The following RS1 variants were observed in gnomAD, a reference collection of about 807,000 sequenced individuals.
RS1 encodes the protein retinoschisin.
RS1 carries 2 observed loss-of-function variants against 20.8 expected under a neutral mutation model. The observed-to-expected ratio is 0.10, with a 90% CI of 0.04 to 0.30. The LOEUF (loss-of-function observed/expected upper bound fraction) is 0.30. Ranked by LOEUF, RS1 falls within the 10% of genes least tolerant of loss-of-function variation. The probability of loss-of-function intolerance (pLI) is 1.00; values close to 1 mark genes in which losing one functional copy is unlikely to be tolerated. For synonymous variants in RS1, 70 were observed against 75.8 expected, an observed-to-expected ratio of 0.92 and a Z score of 0.40; for missense variants, 151 against 189.8, an observed-to-expected ratio of 0.80 and a Z score of 1.20.
At chrX:18,652,203 T>C (rs746258233) in intron 3 of RS1, among the ~76,000 whole-genome samples, 1 of 111,307 alleles carries the variant, frequency 9.0e-6, no homozygotes, top group Non-Finnish European at 1.9e-5. Context: ...ACACACACCA[T>C]CGCCCCATCT....
chrX:18,648,556 G>A (rs866589228), intron 3 of RS1, among the ~76,000 whole-genome samples: 1 of 111,239 alleles, frequency 9.0e-6, no homozygotes, highest in Non-Finnish European at 1.9e-5. Flanking sequence ...CCTTCTTTTT[G>A]ACTAAAGAGC....
chrX:18,651,311 G>C (rs889735146), intron 3 of RS1, among the ~76,000 whole-genome samples: 1 of 109,512 alleles, frequency 9.1e-6, no homozygotes, highest in African/African-American at 3.3e-5. Flanking sequence ...GAGAGAGACA[G>C]AGAGGGATGT....
rs1314480236 is a variant in RS1, at chrX:18,641,477, C to T, written c.*527G>A. ...CGGGATTCTCACCCACCGCACTCAT[C>T]CCTGCCACCCAGTCACCCTTGAGAC... is the stretch of plus-strand genomic sequence containing the variant. On this transcript the variant is annotated 3_prime_UTR_variant, in exon 6 of 6. Coordinates refer to ENST00000379984, the MANE Select transcript of RS1 (RefSeq NM_000330.4). 1 of 123,155 alleles carries T rather than the reference C, an allele frequency of 8.1e-6. No homozygotes were observed. The highest frequency in any genetic ancestry group is 3.3e-5 in the African/African-American group (1 of 30,731). 10.1% of individuals were successfully genotyped at this position (123,155 alleles called of 1,213,427 possible). A position where few individuals can be genotyped will look rare whatever the true frequency, so the allele number is the denominator to read the frequency against.
chrX:18,649,369 A>G (rs1188457435), intron 3 of RS1, among the ~76,000 whole-genome samples: 1 of 111,754 alleles, frequency 8.9e-6, no homozygotes, highest in Non-Finnish European at 1.9e-5. Flanking sequence ...TAGTTTTCTG[A>G]TGATGAATGA....
chrX:18,652,401 G>A (rs1486687666), intron 3 of RS1, among the ~76,000 whole-genome samples: 1 of 112,518 alleles, frequency 8.9e-6, no homozygotes, highest in Non-Finnish European at 1.9e-5. Context: ...GGGTGCAGTG[G>A]CTCACGCCTG....
At chrX:18,661,698 G>A (rs1050391874) in intron 1 of RS1, among the ~76,000 whole-genome samples, 4 of 111,610 alleles carry the variant, frequency 3.6e-5, no homozygotes, top group Non-Finnish European at 5.7e-5. Flanking sequence ...ACTCTTCTCC[G>A]ACAGCCTGGC....
rs377648180 is a variant in RS1, at chrX:18,641,857, TA to T, written c.*146del. On this transcript the variant is annotated 3_prime_UTR_variant, in exon 6 of 6. Transcript: ENST00000379984. ...TCATTGAAATCAGAAAGCTATATCT[TA>T]AAAAAAAAAAAATTATCTACCCAGC... The T allele has an allele frequency of 0.12, 42,047 of 358,845 alleles. 342 individuals carry two copies. Among genetic ancestry groups the T allele is most frequent in the African/African-American group, 0.18 (6,601 of 36,276 alleles). 29.6% of individuals were successfully genotyped at this position (358,845 alleles called of 1,213,427 possible). A position where few individuals can be genotyped will look rare whatever the true frequency, so the allele number is the denominator to read the frequency against.
chrX:18,643,275 T>C (rs897428398), intron 5 of RS1, among the ~76,000 whole-genome samples: 3 of 111,988 alleles, frequency 2.7e-5, no homozygotes, highest in Non-Finnish European at 5.6e-5. Flanking sequence ...GATTATCTCC[T>C]GAAAATATCT....
chrX:18,646,013 G>T lies in RS1; in HGVS notation c.326+1178C>A, dbSNP rs1303433955. 5 of 1,211,867 alleles carry T rather than the reference G, an allele frequency of 4.1e-6. No homozygotes were observed. In the East Asian group the frequency reaches 1.5e-4, roughly 36 times the overall value. ...GTTTCTCCCCACTAACTAGACGGTGGATGTGATGGCAGAAGACAGAGACAC... is the reference window on the plus strand; with the variant it reads ...GTTTCTCCCCACTAACTAGACGGTGTATGTGATGGCAGAAGACAGAGACAC... On this transcript the variant is annotated intron_variant, in intron 4 of 5. Coordinates refer to ENST00000379984, the MANE Select transcript of RS1 (RefSeq NM_000330.4).
intron 5 of RS1, among the ~76,000 whole-genome samples, chrX:18,643,862 T>C (rs1439757909): frequency 9.0e-6 from 1 of 110,560 alleles, no homozygotes; most frequent in Non-Finnish European, 1.9e-5. Context: ...AGGAGTCTAC[T>C]GCGTTTAGTC....
chrX:18,650,669 G>A, intron 3 of RS1: 3 of 1,074,947 alleles, frequency 2.8e-6, no homozygotes, highest in Non-Finnish European at 3.9e-6. Context: ...TAGAAATGCA[G>A]ATGTTCAGGC....
At chrX:18,658,517 G>A (rs773630456) in intron 1 of RS1, among the ~76,000 whole-genome samples, 1 of 109,600 alleles carries the variant, frequency 9.1e-6, no homozygotes, top group Admixed American at 9.8e-5. Context: ...GTACAATGGC[G>A]CGATCTCGGC....
In RS1 at chrX:18,657,816, A is replaced by G. The variant is rs150052716; in HGVS notation, c.53-151T>C. The G allele has an allele frequency of 2.2e-3, 1,087 of 502,430 alleles. 14 individuals carry two copies. In the African/African-American group the frequency reaches 0.023, roughly 11 times the overall value. The allele number at this position is 502,430 out of a possible 1,213,427, so 41.4% of individuals were successfully genotyped here. On this transcript the variant is annotated intron_variant, in intron 1 of 5. Coordinates refer to ENST00000379984, the MANE Select transcript of RS1 (RefSeq NM_000330.4). ...AAGTCATGGTGAGTAAATATCTGCCAGGAAAAACATCCGCAGATGCTAAGA... is the reference window on the plus strand; with the variant it reads ...AAGTCATGGTGAGTAAATATCTGCCGGGAAAAACATCCGCAGATGCTAAGA...
intron 3 of RS1, among the ~76,000 whole-genome samples, chrX:18,651,264 T>TGTGTGTGTGAGA (rs1491242962): frequency 1.3e-4 from 9 of 69,012 alleles, no homozygotes; most frequent in African/African-American, 5.6e-4. Flanking sequence ...TGTGTGTGTG[T>TGTGTGTGTGAGA]GAGAGAGAGA....
chrX:18,647,755 G>C (rs776806108), intron 3 of RS1: 1 of 161,058 alleles, frequency 6.2e-6, no homozygotes, highest in Non-Finnish European at 1.2e-5. Flanking sequence ...ATGACGTCAG[G>C]TCTCTTGTTG....
rs144971097 is a variant in RS1 at position 18,652,019 on chromosome X, C to G, written c.184+4634G>C. Among the ~76,000 whole-genome samples the G allele has an allele frequency of 4.2e-3, 466 of 110,328 alleles. 2 individuals carry two copies. The highest frequency in any genetic ancestry group is 0.011 in the Admixed American group (116 of 10,382). The stretch of plus-strand genomic sequence containing the variant: ...TGAGCTGGCTGAGGGGCCCCAGGTG[C>G]TACCTCCCCAGCACCCTTCACACCT... On this transcript the variant is annotated intron_variant, in intron 3 of 5. Coordinates refer to ENST00000379984, the MANE Select transcript of RS1 (RefSeq NM_000330.4).
At chrX:18,650,602 G>C in intron 3 of RS1, 1 of 1,210,858 alleles carries the variant, frequency 8.3e-7, no homozygotes, top group Non-Finnish European at 1.1e-6. Context: ...GGTAAGCAGA[G>C]ACTCTAGACC....
chrX:18,647,106 G>A (rs754542645), intron 4 of RS1, 85 bp downstream of exon 4: 86 of 1,053,994 alleles, frequency 8.2e-5, no homozygotes, highest in African/African-American at 2.4e-4. Flanking sequence ...TAGTAGAGAC[G>A]GGGTTTCACT....
intron 3 of RS1, chrX:18,650,675 C>A: frequency 9.7e-7 from 1 of 1,028,531 alleles, no homozygotes; most frequent in Non-Finnish European, 1.4e-6. Context: ...TGCAGATGTT[C>A]AGGCCACACC....
Sources: gnomAD v4.1 joint callset for allele counts (sites outside exome capture counted in the v4.1 genomes callset) on GRCh38, gnomAD v4.1.1 for gene constraint, MANE v1.5 for transcripts, NCBI Gene and HGNC (gene_info 2026-07-23, HGNC 2026-07-21) for gene names.